The following RAB31 variants were observed in gnomAD, a reference collection of about 807,000 sequenced individuals.
RAB31 encodes the protein RAB31, member RAS oncogene family.
RAB31 carries 21 observed loss-of-function variants against 25.6 expected under a neutral mutation model. The observed-to-expected ratio is 0.82, with a 90% CI of 0.58 to 1.18. The LOEUF (loss-of-function observed/expected upper bound fraction) is 1.18. RAB31 is among the 50% of genes most tolerant of loss of function. The pLI is 0.00. For synonymous variants in RAB31, 87 were observed against 84.0 expected (o/e 1.04, Z -0.20); for missense variants, 196 against 250.1 (o/e 0.78, Z 1.46).
Position 9,856,853 on chromosome 18 carries a change from G to A in RAB31, c.491-2375G>A, listed in dbSNP as rs143935584. ...GTCACCCCTTTCTCTTCAGGAGTAA[G>A]TAACTCTTTATTGGCAAGATCTGAC... On this transcript the variant is annotated intron_variant, in intron 6 of 6. Coordinates refer to ENST00000578921, the MANE Select transcript of RAB31 (RefSeq NM_006868.4). 2.9e-3 allele frequency among the ~76,000 whole-genome samples: 449 copies of A among 152,310 alleles called. 3 individuals are homozygous for A. The highest frequency in any genetic ancestry group is 0.01 in the African/African-American group (427 of 41,568).
chr18:9,750,906 T>TC (rs1371832344), intron 1 of RAB31, among the ~76,000 whole-genome samples: 3 of 152,080 alleles, frequency 2.0e-5, no homozygotes, highest in African/African-American at 7.2e-5. Context: ...GTACTGTTGC[T>TC]CCCCAGGGTC....
At chr18:9,832,974 C>T (rs1184290477) in intron 5 of RAB31, among the ~76,000 whole-genome samples, 7 of 148,322 alleles carry the variant, frequency 4.7e-5, no homozygotes, top group African/African-American at 1.0e-4. Flanking sequence ...CGAGAACTCC[C>T]GTGATGGGGT....
intron 1 of RAB31, among the ~76,000 whole-genome samples, chr18:9,747,709 C>T (rs1258547138): frequency 6.6e-6 from 1 of 152,018 alleles, no homozygotes; most frequent in Non-Finnish European, 1.5e-5. Context: ...GGAGAAGGGG[C>T]AATGGGGAAT....
chr18:9,719,061 G>C (rs2068058274), intron 1 of RAB31, among the ~76,000 whole-genome samples: 1 of 151,488 alleles, frequency 6.6e-6, no homozygotes, highest in South Asian at 2.1e-4. Flanking sequence ...CTTGAGGTCA[G>C]GAGTTCGAGA....
intron 2 of RAB31, chr18:9,787,018 A>C (rs16955595): frequency 0.031 from 5,415 of 176,998 alleles, 241 homozygotes; most frequent in African/African-American, 0.1. Flanking sequence ...TGCAGGCAAC[A>C]AGCCTATTAA....
chr18:9,780,673 G>A (rs1034449026), intron 2 of RAB31, among the ~76,000 whole-genome samples: 1 of 152,208 alleles, frequency 6.6e-6, no homozygotes, highest in Admixed American at 6.5e-5. Flanking sequence ...GCTCACGCCT[G>A]TAATCCCAGC....
chr18:9,798,228 T>C (rs1172423616), intron 3 of RAB31, among the ~76,000 whole-genome samples: 1 of 152,216 alleles, frequency 6.6e-6, no homozygotes, highest in East Asian at 1.9e-4. Flanking sequence ...CTGATATCCA[T>C]GTGGCTATGT....
At chr18:9,807,530 A>G (rs867502068) in intron 3 of RAB31, among the ~76,000 whole-genome samples, 3 of 152,242 alleles carry the variant, frequency 2.0e-5, no homozygotes, top group East Asian at 3.9e-4. Flanking sequence ...GTTTGCCAAC[A>G]TGCAGGTACA....
chr18:9,761,026 T>G (rs1209496714), intron 1 of RAB31, among the ~76,000 whole-genome samples: 1 of 152,146 alleles, frequency 6.6e-6, no homozygotes, highest in African/African-American at 2.4e-5. Flanking sequence ...TTGGATGCTG[T>G]GATATCTTCC....
intron 1 of RAB31, among the ~76,000 whole-genome samples, chr18:9,769,831 A>T (rs1029841997): frequency 3.3e-5 from 5 of 152,202 alleles, no homozygotes. Flanking sequence ...TGTCATAAGT[A>T]GCTCTTATTA....
At chr18:9,804,684 G>T (rs1009941607) in intron 3 of RAB31, among the ~76,000 whole-genome samples, 7 of 152,140 alleles carry the variant, frequency 4.6e-5, no homozygotes, top group Non-Finnish European at 8.8e-5. Flanking sequence ...ACTTTGTTTG[G>T]TAACAGAAGA....
chr18:9,769,825 A>G (rs1393488659), intron 1 of RAB31, among the ~76,000 whole-genome samples: 1 of 152,212 alleles, frequency 6.6e-6, no homozygotes, highest in Non-Finnish European at 1.5e-5. Flanking sequence ...TGGGTTTGTC[A>G]TAAGTAGCTC....
intron 6 of RAB31, among the ~76,000 whole-genome samples, chr18:9,853,968 T>C (rs7232220): frequency 6.6e-6 from 1 of 151,172 alleles, no homozygotes; most frequent in African/African-American, 2.4e-5. Flanking sequence ...CTTTTCTTTT[T>C]TTTTTTTTTT....
chr18:9,771,341 G>T (rs73940024), intron 1 of RAB31, among the ~76,000 whole-genome samples: 1 of 152,132 alleles, frequency 6.6e-6, no homozygotes, highest in South Asian at 2.1e-4. Flanking sequence ...GAGGGGACTG[G>T]ACAAGACGGC....
At chr18:9,825,841 C>G (rs907791541) in intron 5 of RAB31, among the ~76,000 whole-genome samples, 7 of 152,110 alleles carry the variant, frequency 4.6e-5, no homozygotes, top group African/African-American at 1.4e-4. Context: ...AATCCAGGAA[C>G]AGAAAATCAA....
At chr18:9,823,669 C>T (rs8083505) in intron 5 of RAB31, among the ~76,000 whole-genome samples, 109,709 of 152,012 alleles carry the variant, frequency 0.72, 40,086 homozygotes, top group East Asian at 0.98. Context: ...ATGTGTGATA[C>T]ATATGCATTA....
chr18:9,719,178 G>A (rs2068058821), intron 1 of RAB31, among the ~76,000 whole-genome samples: 1 of 143,356 alleles, frequency 7.0e-6, no homozygotes. Flanking sequence ...GCTGGAGCAT[G>A]AGAATCACTT....
intron 5 of RAB31, among the ~76,000 whole-genome samples, chr18:9,838,651 G>A (rs1046411119): frequency 6.6e-6 from 1 of 152,200 alleles, no homozygotes; most frequent in African/African-American, 2.4e-5. Context: ...CTATTGGGTA[G>A]CACAGGCCTG....
At chr18:9,744,699 A>G (rs1337312066) in intron 1 of RAB31, among the ~76,000 whole-genome samples, 3 of 152,222 alleles carry the variant, frequency 2.0e-5, no homozygotes, top group Non-Finnish European at 4.4e-5. Context: ...TTCTCTTAAT[A>G]TTGTAAAAAT....
Sources: gnomAD v4.1 joint callset for allele counts (sites outside exome capture counted in the v4.1 genomes callset) on GRCh38, gnomAD v4.1.1 for gene constraint, MANE v1.5 for transcripts, NCBI Gene and HGNC (gene_info 2026-07-23, HGNC 2026-07-21) for gene names.